The following ELOVL4 variants were observed in gnomAD, a reference collection of about 807,000 sequenced individuals.
ELOVL4 encodes ELOVL fatty acid elongase 4.
ELOVL4 carries 18 observed loss-of-function variants against 42.1 expected under a neutral mutation model. That is an observed-to-expected ratio of 0.43 (90% confidence interval 0.30 to 0.63). ELOVL4 has a LOEUF of 0.63. Ranked by LOEUF, ELOVL4 falls within the 30% of genes least tolerant of loss-of-function variation. The pLI is 0.15. For synonymous variants in ELOVL4, 117 were observed against 127.0 expected (o/e 0.92, Z 0.53); for missense variants, 299 against 376.2 (o/e 0.79, Z 1.70).
At chr6:79,931,495 T>C (rs565215515) in intron 1 of ELOVL4, among the ~76,000 whole-genome samples, 71 of 152,276 alleles carry the variant, frequency 4.7e-4, no homozygotes, top group Middle Eastern at 3.4e-3. Flanking sequence ...GAATTATAGA[T>C]ACAAATGCTA....
Position 79,916,715 on chromosome 6 carries a change from T to C in ELOVL4, c.838A>G (p.Lys280Glu). The C allele has an allele frequency of 6.2e-7, 1 of 1,614,232 alleles. No homozygotes were observed. The highest frequency in any genetic ancestry group is 8.5e-7 in the Non-Finnish European group (1 of 1,180,040). ...GCTGAAATACCATTCATGGCTGTTT[T>C]TCCAGCTTTTGGTTTCTTAGGCTCT... ...YKEPKKPKAGKTAMNGISANG... is the reference protein window; with the variant it reads ...YKEPKKPKAGETAMNGISANG... The change falls in exon 6 of 6, where the codon AAA becomes GAA. Residue 280 changes from lysine to glutamate, a missense_variant. Transcript: ENST00000369816.
chr6:79,938,681 T>C (rs1488504127), intron 1 of ELOVL4, among the ~76,000 whole-genome samples: 1 of 152,248 alleles, frequency 6.6e-6, no homozygotes, highest in South Asian at 2.1e-4. Flanking sequence ...AATATCACTT[T>C]GTAGTTTAAT....
chr6:79,925,482 G>C lies in ELOVL4; in HGVS notation c.289-450C>G, dbSNP rs1288893223. On this transcript the variant is annotated intron_variant, in intron 2 of 5. Coordinates refer to ENST00000369816, the MANE Select transcript of ELOVL4 (RefSeq NM_022726.4). ...AGAAATATTTCTTTTTCTAAGAAGA[G>C]TTATTGTTTATTTTCCTAGCATTAC... Among the ~76,000 whole-genome samples the C allele has an allele frequency of 3.3e-5, 5 of 152,164 alleles. No individual in the cohort carries two copies. In the South Asian group the frequency reaches 1.0e-3, roughly 32 times the overall value.
chr6:79,947,521 C>A lies in ELOVL4; in HGVS notation c.-242G>T. 1.8e-6 allele frequency: 1 copy of A among 544,496 alleles called. No individual in the cohort carries two copies. Among genetic ancestry groups the A allele is most frequent in the Admixed American group, 3.0e-5 (1 of 33,130 alleles). 33.7% of individuals were successfully genotyped at this position (544,496 alleles called of 1,614,324 possible). On this transcript the variant is annotated 5_prime_UTR_variant, in exon 1 of 6. Coordinates refer to ENST00000369816, the MANE Select transcript of ELOVL4 (RefSeq NM_022726.4). ...GAAAGACGAGGAGGTGGAGGAGGCC[C>A]AGCCGCCAGCACAGTGCGCTGCACC...
intron 1 of ELOVL4, among the ~76,000 whole-genome samples, chr6:79,942,387 GA>G (rs1277694392): frequency 1.3e-5 from 2 of 151,976 alleles, no homozygotes; most frequent in African/African-American, 2.4e-5. Context: ...TAATGAAGAC[GA>G]AAAAAACATC....
At chr6:79,918,796 C>A (rs1353311819) in intron 5 of ELOVL4, among the ~76,000 whole-genome samples, 1 of 152,198 alleles carries the variant, frequency 6.6e-6, no homozygotes, top group East Asian at 1.9e-4. Flanking sequence ...AACAGTCTTA[C>A]TAGCGGGATG....
intron 4 of ELOVL4, among the ~76,000 whole-genome samples, chr6:79,921,085 T>C (rs908712052): frequency 1.3e-5 from 2 of 152,156 alleles, no homozygotes. Flanking sequence ...TCTTGGTTTA[T>C]GCTCATCTCT....
At chr6:79,937,252 G>A (rs1774559303) in intron 1 of ELOVL4, among the ~76,000 whole-genome samples, 2 of 152,078 alleles carry the variant, frequency 1.3e-5, no homozygotes, top group Admixed American at 1.3e-4. Context: ...AAAGAATGGA[G>A]GACAGAGTTA....
At chr6:79,933,302 C>T (rs906606334) in intron 1 of ELOVL4, among the ~76,000 whole-genome samples, 1 of 152,170 alleles carries the variant, frequency 6.6e-6, no homozygotes, top group Admixed American at 6.5e-5. Flanking sequence ...ATGATCTCAG[C>T]TCACTGCAGC....
chr6:79,927,142 TA>T (rs1266606717), intron 1 of ELOVL4, among the ~76,000 whole-genome samples: 3 of 152,110 alleles, frequency 2.0e-5, no homozygotes, highest in Admixed American at 2.0e-4. Context: ...TACACAACCA[TA>T]AATCAATTTT....
intron 3 of ELOVL4, among the ~76,000 whole-genome samples, chr6:79,923,546 G>A (rs1774293001): frequency 6.6e-6 from 1 of 152,158 alleles, no homozygotes; most frequent in African/African-American, 2.4e-5. Flanking sequence ...CAACTGAAGA[G>A]ATTCTTTGGC....
chr6:79,922,177 C>T (rs117891930), intron 3 of ELOVL4, among the ~76,000 whole-genome samples: 2,703 of 152,250 alleles, frequency 0.018, 33 homozygotes, highest in Non-Finnish European at 0.029. Context: ...GCTTAGCCTA[C>T]ATTATACTAC....
chr6:79,937,818 A>T (rs918450231), intron 1 of ELOVL4, among the ~76,000 whole-genome samples: 13 of 152,204 alleles, frequency 8.5e-5, no homozygotes. Flanking sequence ...ATAATATCTA[A>T]CTTATAGAGA....
At chr6:79,945,414 T>G (rs1407427133) in intron 1 of ELOVL4, among the ~76,000 whole-genome samples, 1 of 152,186 alleles carries the variant, frequency 6.6e-6, no homozygotes, top group African/African-American at 2.4e-5. Context: ...CATTTGTGTG[T>G]GTGTGGTTTC....
At chr6:79,921,420 C>G (rs113519057) in intron 4 of ELOVL4, among the ~76,000 whole-genome samples, 2 of 131,970 alleles carry the variant, frequency 1.5e-5, no homozygotes, top group African/African-American at 5.7e-5. Flanking sequence ...GAGATCGCGC[C>G]ACTGCACTCC....
At chr6:79,926,434 A>T in intron 1 of ELOVL4, 53 bp from the exon 2 acceptor site, 2 of 1,538,642 alleles carry the variant, frequency 1.3e-6, no homozygotes, top group Non-Finnish European at 1.8e-6. Context: ...ATGTTTTATA[A>T]AATACACTTT....
In ELOVL4 at chr6:79,921,913, G is replaced by T. The variant is rs7770585; in HGVS notation, c.370-117C>A. 138,664 of 988,504 alleles carry T rather than the reference G, an allele frequency of 0.14. 12,054 individuals carry two copies. The highest frequency in any genetic ancestry group is 0.35 in the South Asian group (24,466 of 70,100). 61.2% of individuals were successfully genotyped at this position (988,504 alleles called of 1,614,324 possible). ...ATATTGCACAAAATGTACAAGGCATGGAATCATTAATGGCTAAGTAGGTTT... is the reference window on the plus strand; with the variant it reads ...ATATTGCACAAAATGTACAAGGCATTGAATCATTAATGGCTAAGTAGGTTT... On this transcript the variant is annotated intron_variant, in intron 3 of 5. Coordinates refer to ENST00000369816, the MANE Select transcript of ELOVL4 (RefSeq NM_022726.4).
chr6:79,931,322 T>G (rs1188622763), intron 1 of ELOVL4, among the ~76,000 whole-genome samples: 1 of 152,128 alleles, frequency 6.6e-6, no homozygotes, highest in African/African-American at 2.4e-5. Context: ...ATTTTAGATT[T>G]AGAAATGATC....
chr6:79,916,488 T>G lies in ELOVL4; in HGVS notation c.*120A>C, dbSNP rs1055445822. ...ACTCAGTCTAAGAGTTACTAGGACA[T>G]AGAGCACATTTGTCTTTTCTCCCCA... On this transcript the variant is annotated 3_prime_UTR_variant, in exon 6 of 6. Coordinates refer to ENST00000369816, the MANE Select transcript of ELOVL4 (RefSeq NM_022726.4). 4.6e-6 allele frequency: 5 copies of G among 1,094,208 alleles called. No individual in the cohort carries two copies. The Admixed American group carries it at 8.9e-5, about 19-fold the overall frequency. The allele number at this position is 1,094,208 out of a possible 1,614,324, so 67.8% of individuals were successfully genotyped here.
Sources: gnomAD v4.1 joint callset for allele counts (sites outside exome capture counted in the v4.1 genomes callset) on GRCh38, gnomAD v4.1.1 for gene constraint, MANE v1.5 for transcripts, NCBI Gene and HGNC (gene_info 2026-07-23, HGNC 2026-07-21) for gene names.